The following VPS37A variants were observed in gnomAD, a reference collection of about 807,000 sequenced individuals.
VPS37A encodes vacuolar protein sorting-associated protein 37A.
VPS37A carries 30 observed loss-of-function variants against 49.8 expected under a neutral mutation model. The ratio of observed to expected loss-of-function variants is 0.60; its 90% CI spans 0.45 to 0.82. VPS37A has a LOEUF of 0.82. VPS37A is among the 40% of genes least tolerant of loss of function. VPS37A has a pLI of 0.00. For missense variants in VPS37A, 593 were observed against 464.4 expected, an observed-to-expected ratio of 1.28 and a Z score of -2.55; for synonymous variants, 195 against 160.6, an observed-to-expected ratio of 1.21 and a Z score of -1.62.
the VPS37A span, chr8:17,311,788 G>C: frequency 8.1e-7 from 1 of 1,241,950 alleles, no homozygotes; most frequent in Non-Finnish European, 1.1e-6. Flanking sequence ...CCCCTAATTA[G>C]GGCAGAGCCA....
At position 17,284,521 on chromosome 8, in the gene VPS37A, G is replaced by T; in HGVS notation, c.1018G>T (p.Glu340Ter). The stretch of plus-strand genomic sequence containing the variant: ...GGCAAGATTGAAAGTAGCTGCACAT[G>T]AAGCTGAGGAAGAATCTGATAATAT... ...LQARLKVAAH[E>*]AEEESDNIAE... Residue 340 changes from glutamate to a stop codon, truncating the protein, a stop_gained, in exon 10 of 12, where the codon GAA becomes TAA. Coordinates refer to ENST00000324849, the MANE Select transcript of VPS37A (RefSeq NM_152415.3). LOFTEE classifies it high-confidence loss of function. The T allele has an allele frequency of 6.3e-7, 1 of 1,598,962 alleles. No individual in the cohort carries two copies. Among genetic ancestry groups the T allele is most frequent in the Non-Finnish European group, 8.5e-7 (1 of 1,175,350 alleles).
the VPS37A span, among the ~76,000 whole-genome samples, chr8:17,320,699 G>A: frequency 1.3e-5 from 2 of 152,200 alleles, no homozygotes; most frequent in Non-Finnish European, 1.5e-5. Flanking sequence ...CGGCCCTTCT[G>A]GAGATCTGAT....
downstream of VPS37A, among the ~76,000 whole-genome samples, chr8:17,304,969 G>T (rs540254776): frequency 6.6e-6 from 1 of 152,170 alleles, no homozygotes; most frequent in African/African-American, 2.4e-5. Flanking sequence ...CTAGTAAGTG[G>T]AAAAGCCATA....
downstream of VPS37A, among the ~76,000 whole-genome samples, chr8:17,305,401 A>C (rs1817384301): frequency 6.6e-6 from 1 of 152,116 alleles, no homozygotes; most frequent in African/African-American, 2.4e-5. Flanking sequence ...TTCCCAATTA[A>C]ATTTGCAATT....
At chr8:17,261,242 C>T (rs1477319987) in intron 1 of VPS37A, among the ~76,000 whole-genome samples, 1 of 152,134 alleles carries the variant, frequency 6.6e-6, no homozygotes, top group Non-Finnish European at 1.5e-5. Context: ...TCTGCCTGAT[C>T]CATTCTGCCA....
At chr8:17,307,973 C>T in the VPS37A span, among the ~76,000 whole-genome samples, 131 of 151,872 alleles carry the variant, frequency 8.6e-4, 2 homozygotes, top group African/African-American at 3.1e-3. Context: ...ACCAACATGG[C>T]ACATGTATAT....
At chr8:17,300,969 C>G (rs1156345280), downstream of VPS37A, among the ~76,000 whole-genome samples, 1 of 152,184 alleles carries the variant, frequency 6.6e-6, no homozygotes, top group African/African-American at 2.4e-5. Context: ...CTTTTTCTGG[C>G]TGAACAGTAT....
At chr8:17,252,828 A>G (rs1186290830) in intron 1 of VPS37A, among the ~76,000 whole-genome samples, 1 of 152,242 alleles carries the variant, frequency 6.6e-6, no homozygotes, top group African/African-American at 2.4e-5. Context: ...TTCTACAAGC[A>G]TCTGTTATGC....
At chr8:17,308,279 C>A in the VPS37A span, among the ~76,000 whole-genome samples, 55 of 152,204 alleles carry the variant, frequency 3.6e-4, no homozygotes, top group East Asian at 8.1e-3. Flanking sequence ...TGTCTCCTAT[C>A]TTGGAGATCC....
At chr8:17,248,422 G>A (rs773468668) in intron 1 of VPS37A, 2 of 453,246 alleles carry the variant, frequency 4.4e-6, no homozygotes, top group South Asian at 1.6e-5. Context: ...TTACAGGTGC[G>A]CGCCACCATG....
intron 4 of VPS37A, among the ~76,000 whole-genome samples, chr8:17,269,835 G>T (rs1813811259): frequency 1.3e-5 from 2 of 152,144 alleles, no homozygotes; most frequent in South Asian, 4.1e-4. Flanking sequence ...TCGTACTAAA[G>T]ATACTGTTTT....
rs545866108 is a variant in VPS37A, at chr8:17,250,686, T to C, written c.125+3317T>C. Among the ~76,000 whole-genome samples, 19 of 152,306 alleles carry C rather than the reference T, an allele frequency of 1.2e-4. No homozygotes were observed. The East Asian group carries it at 2.7e-3, about 22-fold the overall frequency. ...AATTCCGAAAATTCCACTTCAGCAGTCTCTTTTTGTCCCTTTCTCTAATGA... is the reference window on the plus strand; with the variant it reads ...AATTCCGAAAATTCCACTTCAGCAGCCTCTTTTTGTCCCTTTCTCTAATGA... On this transcript the variant is annotated intron_variant, in intron 1 of 11. Coordinates refer to ENST00000324849, the MANE Select transcript of VPS37A (RefSeq NM_152415.3).
chr8:17,284,022 T>A (rs59506391), intron 9 of VPS37A, among the ~76,000 whole-genome samples: 115 of 152,324 alleles, frequency 7.5e-4, no homozygotes, highest in African/African-American at 2.6e-3. Context: ...AGTTTTCTGT[T>A]TATCAGTCTT....
At chr8:17,263,025 C>T (rs924666898) in intron 1 of VPS37A, among the ~76,000 whole-genome samples, 15 of 148,416 alleles carry the variant, frequency 1.0e-4, no homozygotes, top group Non-Finnish European at 8.9e-5. Context: ...CTCGCCATTG[C>T]ACTCCAGCCT....
At chr8:17,253,896 T>A (rs1812200994) in intron 1 of VPS37A, among the ~76,000 whole-genome samples, 2 of 152,180 alleles carry the variant, frequency 1.3e-5, no homozygotes, top group Admixed American at 6.5e-5. Context: ...GTATGAAGGA[T>A]TTTCCAAACA....
chr8:17,283,148 C>T (rs1815247240), intron 9 of VPS37A, among the ~76,000 whole-genome samples: 1 of 152,040 alleles, frequency 6.6e-6, no homozygotes, highest in Non-Finnish European at 1.5e-5. Context: ...AGAGATACTA[C>T]CCCACATGCA....
intron 2 of VPS37A, among the ~76,000 whole-genome samples, chr8:17,267,177 A>C (rs1234643423): frequency 1.3e-5 from 2 of 152,164 alleles, no homozygotes; most frequent in African/African-American, 2.4e-5. Context: ...CTTTTTTACC[A>C]AACTAGTTTT....
downstream of VPS37A, among the ~76,000 whole-genome samples, chr8:17,302,766 G>A (rs115601018): frequency 5.4e-3 from 694 of 127,584 alleles, 15 homozygotes; most frequent in African/African-American, 0.019. Flanking sequence ...AAACCGAAGT[G>A]CAGTGGTGTG....
At chr8:17,263,874 G>A (rs574392821) in intron 1 of VPS37A, among the ~76,000 whole-genome samples, 1 of 152,142 alleles carries the variant, frequency 6.6e-6, no homozygotes, top group South Asian at 2.1e-4. Context: ...CCAGGAGGCA[G>A]AAATTCTAGT....
Sources: gnomAD v4.1 joint callset for allele counts (sites outside exome capture counted in the v4.1 genomes callset) on GRCh38, gnomAD v4.1.1 for gene constraint, MANE v1.5 for transcripts, NCBI Gene and HGNC (gene_info 2026-07-23, HGNC 2026-07-21) for gene names.